The following CELF4 variants were observed in gnomAD, a reference collection of about 807,000 sequenced individuals.
The protein encoded by CELF4 is CUGBP Elav-like family member 4.
A neutral mutation model predicts 59.9 loss-of-function variants in CELF4; 18 were observed. The observed-to-expected ratio is 0.30, with a 90% CI of 0.21 to 0.45. The LOEUF is 0.45. Ranked by LOEUF, CELF4 falls within the 20% of genes least tolerant of loss-of-function variation. The pLI, the probability that CELF4 is intolerant of heterozygous loss-of-function variation, is 1.00. For synonymous variants in CELF4, 261 were observed against 267.1 expected (o/e 0.98, Z 0.22); for missense variants, 456 against 689.0 (o/e 0.66, Z 3.79).
At chr18:37,498,694 G>A (rs1010569230) in intron 1 of CELF4, among the ~76,000 whole-genome samples, 1 of 152,048 alleles carries the variant, frequency 6.6e-6, no homozygotes, top group African/African-American at 2.4e-5. Flanking sequence ...CAGCCAGCTG[G>A]TGACTCTGAG....
chr18:37,283,194 G>A (rs1407124064), intron 3 of CELF4, among the ~76,000 whole-genome samples: 1 of 151,850 alleles, frequency 6.6e-6, no homozygotes, highest in Non-Finnish European at 1.5e-5. Context: ...AGATACTTCA[G>A]GGTCTGCCAT....
chr18:37,502,000 G>C (rs913750061), intron 1 of CELF4, among the ~76,000 whole-genome samples: 1 of 152,192 alleles, frequency 6.6e-6, no homozygotes, highest in Non-Finnish European at 1.5e-5. Flanking sequence ...GCCCTCGGCT[G>C]AATCATGTTT....
chr18:37,487,046 C>T (rs139717408), intron 1 of CELF4, among the ~76,000 whole-genome samples: 84 of 152,294 alleles, frequency 5.5e-4, no homozygotes, highest in African/African-American at 1.9e-3. Context: ...TGCCAGACCT[C>T]GTGGCCCAAG....
intron 2 of CELF4, among the ~76,000 whole-genome samples, chr18:37,439,642 A>C (rs1488866445): frequency 6.6e-6 from 1 of 151,704 alleles, no homozygotes; most frequent in Non-Finnish European, 1.5e-5. Flanking sequence ...TGGCCTAGTC[A>C]CTCTTCTCTG....
At chr18:37,345,455 G>C (rs1603621471) in intron 2 of CELF4, among the ~76,000 whole-genome samples, 1 of 152,274 alleles carries the variant, frequency 6.6e-6, no homozygotes, top group African/African-American at 2.4e-5. Context: ...GTCGGGGGTG[G>C]GGTGGGGGAC....
chr18:37,266,940 G>C (rs551832508), intron 8 of CELF4, among the ~76,000 whole-genome samples: 109 of 152,178 alleles, frequency 7.2e-4, no homozygotes, highest in African/African-American at 2.4e-3. Flanking sequence ...CTGGTGGTGG[G>C]GGGGGACACA....
At chr18:37,451,275 C>T (rs1367468658) in intron 2 of CELF4, among the ~76,000 whole-genome samples, 1 of 152,024 alleles carries the variant, frequency 6.6e-6, no homozygotes, top group South Asian at 2.1e-4. Flanking sequence ...GGGAGGTGGA[C>T]AGTGTGGTGT....
chr18:37,558,556 G>A (rs1348635216), intron 1 of CELF4, among the ~76,000 whole-genome samples: 3 of 107,588 alleles, frequency 2.8e-5, no homozygotes, highest in African/African-American at 1.0e-4. Flanking sequence ...TGAAATTGTG[G>A]GGGGCGGGTG....
At chr18:37,523,699 C>A (rs1249376544) in intron 1 of CELF4, among the ~76,000 whole-genome samples, 1 of 152,226 alleles carries the variant, frequency 6.6e-6, no homozygotes, top group Non-Finnish European at 1.5e-5. Context: ...GCCCCACTTA[C>A]GGAGATTTCT....
At chr18:37,556,708 G>T (rs1390821690) in intron 1 of CELF4, among the ~76,000 whole-genome samples, 1 of 152,116 alleles carries the variant, frequency 6.6e-6, no homozygotes, top group Admixed American at 6.5e-5. Flanking sequence ...ATGCCCCCTT[G>T]CTTGTCCCTG....
At chr18:37,342,023 T>C (rs1307077769) in intron 2 of CELF4, among the ~76,000 whole-genome samples, 2 of 152,070 alleles carry the variant, frequency 1.3e-5, no homozygotes, top group African/African-American at 2.4e-5. Context: ...CTTGGTGTTG[T>C]GTGTGTGCGT....
chr18:37,538,387 G>T (rs1388070882), intron 1 of CELF4, among the ~76,000 whole-genome samples: 5 of 152,164 alleles, frequency 3.3e-5, no homozygotes, highest in Non-Finnish European at 7.3e-5. Context: ...ACAAATGCCA[G>T]TTCCTGTGTG....
chr18:37,552,737 G>C (rs934417333), intron 1 of CELF4, among the ~76,000 whole-genome samples: 3 of 152,256 alleles, frequency 2.0e-5, no homozygotes, highest in Non-Finnish European at 4.4e-5. Context: ...GGGTACAGGA[G>C]CCTGGCTTTC....
intron 2 of CELF4, among the ~76,000 whole-genome samples, chr18:37,477,252 T>G (rs2099852557): frequency 6.6e-6 from 1 of 152,226 alleles, no homozygotes; most frequent in South Asian, 2.1e-4. Flanking sequence ...CCAAGGGCAG[T>G]GCTGGGTGCT....
intron 2 of CELF4, among the ~76,000 whole-genome samples, chr18:37,467,899 G>A (rs1434331477): frequency 1.3e-5 from 2 of 152,192 alleles, no homozygotes; most frequent in Admixed American, 6.5e-5. Flanking sequence ...CCTCTCCCAT[G>A]TGTGTTATAT....
chr18:37,552,121 C>T (rs901584253), intron 1 of CELF4, among the ~76,000 whole-genome samples: 1 of 152,226 alleles, frequency 6.6e-6, no homozygotes. Flanking sequence ...ACTTATCTTT[C>T]GGGGGTTCCC....
intron 1 of CELF4, among the ~76,000 whole-genome samples, chr18:37,512,104 T>A (rs2099945033): frequency 1.3e-5 from 2 of 152,312 alleles, no homozygotes; most frequent in South Asian, 4.1e-4. Flanking sequence ...TCTGCTGTCC[T>A]TCGCTGGGCT....
chr18:37,463,860 T>G (rs2099800524), intron 2 of CELF4, among the ~76,000 whole-genome samples: 1 of 152,086 alleles, frequency 6.6e-6, no homozygotes, highest in Non-Finnish European at 1.5e-5. Context: ...CCCAACTGAG[T>G]GTGACATTTT....
At chr18:37,555,159 C>T (rs78263540) in intron 1 of CELF4, among the ~76,000 whole-genome samples, 4,197 of 152,294 alleles carry the variant, frequency 0.028, 213 homozygotes, top group African/African-American at 0.095. Flanking sequence ...GCTTCAGGCT[C>T]ATGCCACCCC....
Sources: gnomAD v4.1 joint callset for allele counts (sites outside exome capture counted in the v4.1 genomes callset) on GRCh38, gnomAD v4.1.1 for gene constraint, MANE v1.5 for transcripts, NCBI Gene and HGNC (gene_info 2026-07-23, HGNC 2026-07-21) for gene names.